STT3B: variants seen among roughly 807,000 people sequenced by gnomAD.
STT3B encodes dolichyl-diphosphooligosaccharide--protein glycosyltransferase subunit STT3B.
STT3B carries 29 observed loss-of-function variants against 96.8 expected under a neutral mutation model. That is an observed-to-expected ratio of 0.30 (90% confidence interval 0.22 to 0.41). STT3B has a LOEUF of 0.41. Among genes scored for constraint, STT3B ranks in the 10% least tolerant of loss-of-function variants. The probability of loss-of-function intolerance (pLI) is 1.00; values close to 1 mark genes in which losing one functional copy is unlikely to be tolerated. For missense variants in STT3B, 640 were observed against 1,022.3 expected, an observed-to-expected ratio of 0.63 and a Z score of 5.10; for synonymous variants, 367 against 360.0, an observed-to-expected ratio of 1.02 and a Z score of -0.22.
intron 15 of STT3B, among the ~76,000 whole-genome samples, chr3:31,633,599 TTTATC>T (rs1326936610): frequency 6.1e-5 from 9 of 146,800 alleles, no homozygotes; most frequent in Non-Finnish European, 1.3e-4. Flanking sequence ...AAAAAAATCA[TTTATC>T]TTAAGATAAT....
chr3:31,542,189 C>G (rs1035395312), intron 1 of STT3B, among the ~76,000 whole-genome samples: 1 of 152,042 alleles, frequency 6.6e-6, no homozygotes, highest in Non-Finnish European at 1.5e-5. Flanking sequence ...CAGATAAATG[C>G]AAAATGACTG....
chr3:31,560,486 ATTTTATTTC>A (rs1697848457), intron 1 of STT3B, among the ~76,000 whole-genome samples: 2 of 151,978 alleles, frequency 1.3e-5, no homozygotes, highest in Admixed American at 1.3e-4. Flanking sequence ...TCTGGAAAAT[ATTTTATTTC>A]TCCTTCATTT....
chr3:31,551,414 G>T lies in STT3B; in HGVS notation c.314+18102G>T, dbSNP rs577402595. Among the ~76,000 whole-genome samples, 173 of 152,080 alleles carry T rather than the reference G, an allele frequency of 1.1e-3. 1 individual carries two copies. The highest frequency in any genetic ancestry group is 3.8e-4 in the Non-Finnish European group (26 of 67,964). ...AAAATTTCTGGTAGAGACAGGTTTTGCCATGTTGCCCAGGCTGGTCTTGAA... is the reference window on the plus strand; with the variant it reads ...AAAATTTCTGGTAGAGACAGGTTTTTCCATGTTGCCCAGGCTGGTCTTGAA... On this transcript the variant is annotated intron_variant, in intron 1 of 15. Coordinates refer to ENST00000295770, the MANE Select transcript of STT3B (RefSeq NM_178862.3).
intron 5 of STT3B, among the ~76,000 whole-genome samples, chr3:31,607,454 A>G (rs60976545): frequency 0.051 from 7,806 of 152,194 alleles, 685 homozygotes; most frequent in African/African-American, 0.18. Flanking sequence ...CTGGTGGTGC[A>G]TAATAACTCT....
intron 1 of STT3B, among the ~76,000 whole-genome samples, chr3:31,572,028 A>ATTAATATATGATATATTAATATAT (rs2125449768): frequency 4.3e-5 from 2 of 46,702 alleles, no homozygotes; most frequent in African/African-American, 7.5e-5. Flanking sequence ...ATTAATATAT[A>ATTAATATATGATATATTAATATAT]TTAATATATG....
intron 5 of STT3B, among the ~76,000 whole-genome samples, chr3:31,613,837 T>A (rs1699241182): frequency 6.6e-6 from 1 of 151,988 alleles, no homozygotes; most frequent in African/African-American, 2.4e-5. Flanking sequence ...GGTAATTCCA[T>A]TCCAACATTA....
intron 1 of STT3B, among the ~76,000 whole-genome samples, chr3:31,549,497 G>A (rs1313716576): frequency 1.3e-5 from 2 of 151,302 alleles, no homozygotes; most frequent in Non-Finnish European, 2.9e-5. Flanking sequence ...GAGTTTATTA[G>A]TTGTCCAACC....
chr3:31,619,938 A>G (rs1408316008), intron 9 of STT3B, 108 bp downstream of exon 9: 1 of 1,510,290 alleles, frequency 6.6e-7, no homozygotes. Context: ...TATATTCAAG[A>G]TAAATTTTCT....
At chr3:31,634,754 T>C (rs1374336879) in intron 15 of STT3B, among the ~76,000 whole-genome samples, 1 of 152,136 alleles carries the variant, frequency 6.6e-6, no homozygotes, top group Non-Finnish European at 1.5e-5. Context: ...TGAGGGCTAT[T>C]ACACACTTGG....
intron 1 of STT3B, among the ~76,000 whole-genome samples, chr3:31,545,073 T>G (rs1697373863): frequency 6.6e-6 from 1 of 152,218 alleles, no homozygotes; most frequent in Admixed American, 6.5e-5. Context: ...TTTAATATGC[T>G]AAGCAGCTTT....
At chr3:31,556,902 T>C (rs1697726520) in intron 1 of STT3B, among the ~76,000 whole-genome samples, 5 of 152,212 alleles carry the variant, frequency 3.3e-5, no homozygotes, top group Admixed American at 3.3e-4. Flanking sequence ...TACAGTGCCA[T>C]TTGTCTCTTT....
At chr3:31,606,483 GT>G (rs751108495) in intron 5 of STT3B, among the ~76,000 whole-genome samples, 19 of 135,708 alleles carry the variant, frequency 1.4e-4, no homozygotes, top group Non-Finnish European at 3.1e-4. Flanking sequence ...GCTAAAAGGG[GT>G]TAAGGTACAG....
intron 15 of STT3B, among the ~76,000 whole-genome samples, chr3:31,635,757 G>A (rs1657817031): frequency 6.6e-6 from 1 of 152,162 alleles, no homozygotes. Context: ...ACTTGATGGT[G>A]AGGATGTCTA....
At chr3:31,619,092 G>A (rs367882748) in intron 8 of STT3B, among the ~76,000 whole-genome samples, 1 of 151,966 alleles carries the variant, frequency 6.6e-6, no homozygotes, top group Non-Finnish European at 1.5e-5. Flanking sequence ...ATTGTGTAAG[G>A]TGTAATTATT....
chr3:31,603,691 A>T (rs1036499089), intron 5 of STT3B, among the ~76,000 whole-genome samples: 1 of 152,044 alleles, frequency 6.6e-6, no homozygotes, highest in Non-Finnish European at 1.5e-5. Flanking sequence ...ATTATTAAAG[A>T]TATGAAGTCA....
At chr3:31,565,781 T>C (rs1474587060) in intron 1 of STT3B, among the ~76,000 whole-genome samples, 1 of 152,164 alleles carries the variant, frequency 6.6e-6, no homozygotes, top group Non-Finnish European at 1.5e-5. Context: ...CTGGCCATGA[T>C]TTTTTAAGAC....
At chr3:31,633,257 A>G (rs926653568) in intron 15 of STT3B, 110 bp downstream of exon 15, 55 of 917,316 alleles carry the variant, frequency 6.0e-5, no homozygotes, top group Non-Finnish European at 8.4e-5. Flanking sequence ...TATAAAGACT[A>G]TGGCTTCTAT....
At chr3:31,592,246 C>G (rs1292259797) in intron 3 of STT3B, among the ~76,000 whole-genome samples, 3 of 152,178 alleles carry the variant, frequency 2.0e-5, no homozygotes. Context: ...TTTCACTTAG[C>G]ATAATGTCTT....
At chr3:31,559,304 G>A (rs1238590733) in intron 1 of STT3B, among the ~76,000 whole-genome samples, 2 of 147,268 alleles carry the variant, frequency 1.4e-5, no homozygotes, top group Admixed American at 1.4e-4. Context: ...CTTATTTGGA[G>A]TCTTTGTATT....
Sources: gnomAD v4.1 joint callset for allele counts (sites outside exome capture counted in the v4.1 genomes callset) on GRCh38, gnomAD v4.1.1 for gene constraint, MANE v1.5 for transcripts, NCBI Gene and HGNC (gene_info 2026-07-23, HGNC 2026-07-21) for gene names.